The following CLDN15 variants were observed in gnomAD, a reference collection of about 807,000 sequenced individuals.
CLDN15 encodes the protein claudin-15.
CLDN15 carries 9 observed loss-of-function variants against 24.5 expected under a neutral mutation model. The ratio of observed to expected loss-of-function variants is 0.37; its 90% CI spans 0.22 to 0.64. The LOEUF is 0.64. Among genes scored for constraint, CLDN15 ranks in the 30% least tolerant of loss-of-function variants. CLDN15 has a pLI of 0.63. For synonymous variants in CLDN15, 149 were observed against 131.4 expected (o/e 1.13, Z -0.92); for missense variants, 248 against 305.9 (o/e 0.81, Z 1.41).
chr7:101,232,786 C>T (rs1798528072), intron 3 of CLDN15, 47 bp downstream of exon 3: 2 of 1,579,308 alleles, frequency 1.3e-6, no homozygotes, highest in African/African-American at 1.3e-5. Context: ...AGGGCTGAGT[C>T]CCACCCGCTG....
At chr7:101,233,268 C>T (rs896430451) in intron 2 of CLDN15, among the ~76,000 whole-genome samples, 1 of 152,026 alleles carries the variant, frequency 6.6e-6, no homozygotes, top group Non-Finnish European at 1.5e-5. Flanking sequence ...ATCCAAATCC[C>T]GCCCACCCTT....
chr7:101,232,573 C>G, intron 4 of CLDN15, 31 bp downstream of exon 4: 1 of 1,596,222 alleles, frequency 6.3e-7, no homozygotes, highest in Admixed American at 1.7e-5. Flanking sequence ...CCAATCCCGC[C>G]CGGCCCCAGC....
chr7:101,236,922 G>A (rs1296290719), intron 1 of CLDN15: 4 of 798,634 alleles, frequency 5.0e-6, no homozygotes, highest in Non-Finnish European at 5.6e-6. Flanking sequence ...TCCAAGATGG[G>A]GCCTCCTCCC....
chr7:101,237,165 T>G lies in CLDN15; in HGVS notation c.217+200A>C, dbSNP rs1480677863. Among the ~76,000 whole-genome samples, 1 of 151,720 alleles carries G rather than the reference T, an allele frequency of 6.6e-6. No individual in the cohort carries two copies. The highest frequency in any genetic ancestry group is 1.5e-5 in the Non-Finnish European group (1 of 68,014). ...CCTGTAACAGCTAAAAGCGCCACAC[T>G]AGCGCAGGGGGCCACGTGTGGCAAG... On this transcript the variant is annotated intron_variant, in intron 1 of 4. Transcript: ENST00000308344. The surrounding 1 kb of genome is among the most constrained non-coding windows in gnomAD (Gnocchi z 4.0).
chr7:101,233,620 T>G (rs1798544430), intron 2 of CLDN15: 1 of 159,664 alleles, frequency 6.3e-6, no homozygotes, highest in Non-Finnish European at 1.4e-5. Context: ...ATTTTTTTTT[T>G]GACAGTCTCA....
intron 1 of CLDN15, among the ~76,000 whole-genome samples, chr7:101,235,548 C>T (rs767650335): frequency 2.6e-5 from 4 of 152,178 alleles, no homozygotes; most frequent in Non-Finnish European, 5.9e-5. Context: ...CCTCTTGCTT[C>T]CCCCTTCTCC....
In CLDN15 at chr7:101,232,479, C is replaced by A. The variant is rs143443191; in HGVS notation, c.618G>T (p.Met206Ile). Residue 206 changes from methionine (M) to isoleucine (I), a missense_variant, in exon 5 of 5, where the codon ATG becomes ATT. Met to Ile is a conservative substitution (Grantham distance 10). Transcript: ENST00000308344. Reference protein sequence around the residue: ...RRPYQAPVSVMPVATSDQEGD... With the variant: ...RRPYQAPVSVIPVATSDQEGD... Reference sequence around the variant, plus strand: ...CTTCTTGGTCCGAGGTGGCGACGGGCATCACGGACACTGGAGCCTGGTAGG... The same window carrying A: ...CTTCTTGGTCCGAGGTGGCGACGGGAATCACGGACACTGGAGCCTGGTAGG... The A allele has an allele frequency of 6.2e-7, 1 of 1,613,488 alleles. No individual in the cohort carries two copies. The highest frequency in any genetic ancestry group is 1.3e-5 in the African/African-American group (1 of 75,038).
In CLDN15 at chr7:101,237,331, G is replaced by T; in HGVS notation, c.217+34C>A. 7.1e-7 allele frequency: 1 copy of T among 1,400,248 alleles called. No individual in the cohort carries two copies. The highest frequency in any genetic ancestry group is 1.0e-6 in the Non-Finnish European group (1 of 1,003,014). The allele number at this position is 1,400,248 out of a possible 1,614,324, so 86.7% of individuals were successfully genotyped here. A position where few individuals can be genotyped will look rare whatever the true frequency, so the allele number is the denominator to read the frequency against. ...CTGGGGTCTCTGCAGCTTCCCCGCC[G>T]CCCTCTCTCCCTGGAGCGCTCCCCA... is the stretch of plus-strand genomic sequence containing the variant. On this transcript the variant is annotated intron_variant, in intron 1 of 4. Coordinates refer to ENST00000308344, the MANE Select transcript of CLDN15 (RefSeq NM_014343.3). This position sits in a 1 kb window ranked among gnomAD's most constrained non-coding sequence, Gnocchi z 4.0.
intron 3 of CLDN15, 53 bp from the exon 4 acceptor site, chr7:101,232,773 G>A (rs1798527887): frequency 5.7e-6 from 9 of 1,579,446 alleles, no homozygotes; most frequent in African/African-American, 2.7e-5. Context: ...CCAGCCGGGG[G>A]GCAGGGCTGA....
intron 1 of CLDN15, among the ~76,000 whole-genome samples, chr7:101,235,239 G>A (rs985897216): frequency 6.6e-6 from 1 of 152,196 alleles, no homozygotes; most frequent in African/African-American, 2.4e-5. Context: ...GTAGGGGGCA[G>A]CGGTGCTGTA....
At position 101,237,511 on chromosome 7, in the gene CLDN15, A is replaced by G. The variant is rs750460193; in HGVS notation, c.71T>C (p.Leu24Pro). ...TVGLLMLGVT[L>P]PNSYWRVSTV... Reference sequence around the variant, plus strand: ...GGACACTCGCCAGTAGCTGTTTGGCAGAGTCACCCCCAGCATCAGCAGCCC... The same window carrying G: ...GGACACTCGCCAGTAGCTGTTTGGCGGAGTCACCCCCAGCATCAGCAGCCC... Residue 24 changes from leucine to proline, a missense_variant, in exon 1 of 5, where the codon CTG becomes CCG. By Grantham distance (98) the Leu-to-Pro change is moderately conservative. Coordinates refer to ENST00000308344, the MANE Select transcript of CLDN15 (RefSeq NM_014343.3). This position sits in a 1 kb window ranked among gnomAD's most constrained non-coding sequence, Gnocchi z 4.0. 2.9e-5 allele frequency: 47 copies of G among 1,614,030 alleles called. No individual in the cohort carries two copies. Among genetic ancestry groups the G allele is most frequent in the Non-Finnish European group, 3.9e-5 (46 of 1,179,994 alleles).
chr7:101,232,357 G>T lies in CLDN15; in HGVS notation c.*53C>A. The T allele has an allele frequency of 7.5e-7, 1 of 1,338,324 alleles. No individual in the cohort carries two copies. The highest frequency in any genetic ancestry group is 1.1e-6 in the Non-Finnish European group (1 of 940,610). 82.9% of individuals were successfully genotyped at this position (1,338,324 alleles called of 1,614,324 possible). ...CTATAGGGGAATGGGCCCCGGCCAG[G>T]TCCCCTCTCCTTGGGGCAGTGGGAA... On this transcript the variant is annotated 3_prime_UTR_variant, in exon 5 of 5. Transcript: ENST00000308344.
At chr7:101,236,051 T>C (rs1798614712) in intron 1 of CLDN15, among the ~76,000 whole-genome samples, 1 of 152,178 alleles carries the variant, frequency 6.6e-6, no homozygotes, top group Non-Finnish European at 1.5e-5. Flanking sequence ...GGTCACCCTC[T>C]ACCCCTGTGC....
chr7:101,232,931 G>A lies in CLDN15; in HGVS notation c.383-17C>T. On this transcript the variant is annotated splice_polypyrimidine_tract_variant and intron_variant, in intron 2 of 4. Coordinates refer to ENST00000308344, the MANE Select transcript of CLDN15 (RefSeq NM_014343.3). ...CGCAGATACCTGGGGACCGGAGGAC[G>A]ACCCCAGTCCAGTCCAGGGGGAGGG... 2 of 1,577,734 alleles carry A rather than the reference G, an allele frequency of 1.3e-6. No individual in the cohort carries two copies. The highest frequency in any genetic ancestry group is 1.7e-6 in the Non-Finnish European group (2 of 1,154,528).
chr7:101,238,112 G>A (rs1332812148), upstream of CLDN15: 1 of 191,192 alleles, frequency 5.2e-6, no homozygotes, highest in Non-Finnish European at 1.1e-5. Flanking sequence ...GACAGAGACG[G>A]AGAGAGAATG....
intron 2 of CLDN15, among the ~76,000 whole-genome samples, chr7:101,233,444 C>T (rs1303981623): frequency 6.6e-6 from 1 of 152,168 alleles, no homozygotes; most frequent in Non-Finnish European, 1.5e-5. Context: ...CAATACCCAC[C>T]CTACCTCAAA....
chr7:101,234,219 AAGC>A (rs1432381014), intron 2 of CLDN15, 56 bp downstream of exon 2: 3 of 1,344,944 alleles, frequency 2.2e-6, no homozygotes, highest in East Asian at 2.3e-5. Flanking sequence ...GATGAGGACA[AAGC>A]AGCCTGAAGT....
Position 101,232,526 on chromosome 7 carries a change from G to T in CLDN15, c.582-11C>A. 6.2e-7 allele frequency: 1 copy of T among 1,604,690 alleles called. No individual in the cohort carries two copies. Among genetic ancestry groups the T allele is most frequent in the Non-Finnish European group, 8.5e-7 (1 of 1,172,520 alleles). On this transcript the variant is annotated splice_polypyrimidine_tract_variant and intron_variant, in intron 4 of 4. Transcript: ENST00000308344. ...TAGGGCCGCCGGGCGCTGCGGGGAG[G>T]GCCCGGGGTCAGAGCGGGGGCGCGG...
intron 1 of CLDN15, chr7:101,236,719 A>G: frequency 7.7e-7 from 1 of 1,290,414 alleles, no homozygotes; most frequent in Non-Finnish European, 1.0e-6. Context: ...AGACCCCAGA[A>G]AGACACTGTC....
Sources: allele counts gnomAD v4.1 joint callset (sites outside exome capture counted in the v4.1 genomes callset), GRCh38; gene constraint gnomAD v4.1.1; non-coding constraint Gnocchi (gnomAD v3.1); transcripts MANE v1.5; gene names NCBI Gene and HGNC (gene_info 2026-07-23, HGNC 2026-07-21).